The following SMPD4 variants were observed in gnomAD, a reference collection of about 807,000 sequenced individuals.
SMPD4 encodes neutral sphingomyelinase 3.
Under a neutral mutation model 97.8 loss-of-function variants are expected in SMPD4, and 58 were observed. That is an observed-to-expected ratio of 0.59 (90% confidence interval 0.48 to 0.74). SMPD4 has a LOEUF of 0.74. Ranked by LOEUF, SMPD4 falls within the 30% of genes least tolerant of loss-of-function variation. The pLI is 0.00. For synonymous variants in SMPD4, 388 were observed against 450.0 expected, an observed-to-expected ratio of 0.86 and a Z score of 1.74; for missense variants, 853 against 1,080.5, an observed-to-expected ratio of 0.79 and a Z score of 2.95.
chr2:130,167,119 CTTTT>C (rs966018676), intron 9 of SMPD4, among the ~76,000 whole-genome samples: 6 of 150,420 alleles, frequency 4.0e-5, no homozygotes, highest in African/African-American at 1.5e-4. Flanking sequence ...AGTTTCTTTT[CTTTT>C]TCTTTTTTTT....
intron 8 of SMPD4, 26 bp from the exon 9 acceptor site, chr2:130,167,616 G>C: frequency 1.3e-6 from 2 of 1,573,522 alleles, no homozygotes; most frequent in Non-Finnish European, 1.7e-6. Context: ...AAACAGGCCC[G>C]AGTTACAGGC....
chr2:130,178,265 T>C (rs1399332438), intron 1 of SMPD4, among the ~76,000 whole-genome samples: 1 of 152,094 alleles, frequency 6.6e-6, no homozygotes, highest in Non-Finnish European at 1.5e-5. Flanking sequence ...AACAACCCGA[T>C]GGGTACAGAT....
At chr2:130,181,664 C>G, upstream of SMPD4, 1 of 1,550,654 alleles carries the variant, frequency 6.4e-7, no homozygotes, top group Non-Finnish European at 8.7e-7. Flanking sequence ...CTCTTTGGGC[C>G]GTTACCTCAA....
chr2:130,168,216 A>G (rs1049568976), intron 8 of SMPD4, among the ~76,000 whole-genome samples: 2 of 152,072 alleles, frequency 1.3e-5, no homozygotes, highest in Non-Finnish European at 2.9e-5. Context: ...CTAAAAAATT[A>G]AGAAATTCCC....
chr2:130,158,028 G>GATT (rs1362586324), intron 11 of SMPD4: 3 of 364,810 alleles, frequency 8.2e-6, no homozygotes, highest in Middle Eastern at 4.7e-4. Flanking sequence ...TAGTCCTAAT[G>GATT]ACTCAGGAGG....
In SMPD4 at chr2:130,174,922, G is replaced by C. The variant is rs1328172156; in HGVS notation, c.118C>G (p.Pro40Ala). ...QDLVKVIEDF[P>A]AKELHTIFPW... ...CGTTAGCAGAGCTATACCTTTGCTG[G>C]AAAGTCCTCAATGACTTTAACCAAG... Residue 40 changes from proline to alanine, a missense_variant, in exon 3 of 20, where the codon CCA becomes GCA. This residue lies in a region of SMPD4 where 313 missense variants were observed against 402.2 expected (regional missense o/e 0.78). Transcript: ENST00000680298. The C allele has an allele frequency of 4.4e-6, 7 of 1,602,956 alleles. No homozygotes were observed. Among genetic ancestry groups the C allele is most frequent in the Non-Finnish European group, 2.6e-6 (3 of 1,170,416 alleles).
intron 19 of SMPD4, 75 bp downstream of exon 19, chr2:130,152,968 C>T (rs939569012): frequency 6.4e-7 from 1 of 1,564,660 alleles, no homozygotes; most frequent in Non-Finnish European, 8.6e-7. Context: ...CACAGGCCAC[C>T]CCAGGACTGC....
intron 3 of SMPD4, 124 bp downstream of exon 3, chr2:130,174,790 T>C (rs555621186): frequency 6.3e-6 from 4 of 631,282 alleles, no homozygotes; most frequent in Non-Finnish European, 5.8e-6. Context: ...GTCATGGTAA[T>C]GGCCAGGCCT....
Position 130,164,367 on chromosome 2 carries a change from A to G in SMPD4, c.864+7T>C. The G allele has an allele frequency of 6.2e-7, 1 of 1,613,408 alleles. No individual in the cohort carries two copies. The highest frequency in any genetic ancestry group is 1.1e-5 in the South Asian group (1 of 91,072). On this transcript the variant is annotated splice_region_variant and intron_variant, in intron 10 of 19. Coordinates refer to ENST00000680298, the MANE Select transcript of SMPD4 (RefSeq NM_017951.5). ...GCAGGAGGTGGGAAGAAAAACTGAA[A>G]ACATACCTTGGCATGAGGGGACTGC...
chr2:130,164,417 T>C lies in SMPD4; in HGVS notation c.821A>G (p.Tyr274Cys), dbSNP rs758416623. ...CATTTTTTGATACATCTCCAAGGAA[T>C]AGTGATGAAGCCACATTTCAACAAA... is the stretch of plus-strand genomic sequence containing the variant. ...QVFVEMWLHH[Y>C]SLEMYQKMQS... The change falls in exon 10 of 20, where the codon TAT (tyrosine) becomes TGT (cysteine). Residue 274 changes from tyrosine (Y) to cysteine (C), a missense_variant. Coordinates refer to ENST00000680298, the MANE Select transcript of SMPD4 (RefSeq NM_017951.5). 3.1e-6 allele frequency: 5 copies of C among 1,614,020 alleles called. No individual in the cohort carries two copies. The highest frequency in any genetic ancestry group is 1.1e-5 in the South Asian group (1 of 91,088).
At chr2:130,156,708 GC>G in intron 12 of SMPD4, 33 bp from the exon 13 acceptor site, 1 of 1,600,888 alleles carries the variant, frequency 6.2e-7, no homozygotes, top group Non-Finnish European at 8.5e-7. Flanking sequence ...CCTGCTGCTT[GC>G]CCAGTAAGGA....
chr2:130,156,557 G>A (rs1176752884), intron 13 of SMPD4, 28 bp downstream of exon 13: 1 of 1,602,386 alleles, frequency 6.2e-7, no homozygotes, highest in South Asian at 1.1e-5. Flanking sequence ...GAGGACACAG[G>A]CACACGTGTG....
chr2:130,162,148 A>G (rs1687487429), intron 10 of SMPD4, among the ~76,000 whole-genome samples: 1 of 152,254 alleles, frequency 6.6e-6, no homozygotes, highest in Non-Finnish European at 1.5e-5. Flanking sequence ...GTGGGTTCCC[A>G]AGGGCGGGAG....
chr2:130,153,294 C>T lies in SMPD4; in HGVS notation c.2025+25G>A, dbSNP rs200458140. 935 of 1,613,378 alleles carry T rather than the reference C, an allele frequency of 5.8e-4. 1 individual carries two copies. The highest frequency in any genetic ancestry group is 1.9e-3 in the Admixed American group (116 of 59,980). ...GGGACGGGTCAGGGCCCAGCCTGTG[C>T]GCCTCTGAGACACGGGCCTCTCACC... is the stretch of plus-strand genomic sequence containing the variant. On this transcript the variant is annotated intron_variant, in intron 18 of 19. Transcript: ENST00000680298.
chr2:130,169,275 G>C (rs998267659), intron 8 of SMPD4, among the ~76,000 whole-genome samples: 6 of 152,172 alleles, frequency 3.9e-5, no homozygotes, highest in African/African-American at 1.4e-4. Context: ...AAGGGGACTA[G>C]AAATATCACT....
chr2:130,170,863 C>A (rs919150773), intron 8 of SMPD4, among the ~76,000 whole-genome samples: 1 of 151,734 alleles, frequency 6.6e-6, no homozygotes, highest in African/African-American at 2.4e-5. Context: ...GAGTTTGAGG[C>A]CAGCCTGGCC....
At position 130,153,337 on chromosome 2, in the gene SMPD4, C is replaced by CG. The variant is rs1290805807; in HGVS notation, c.2006dup (p.Pro670AlafsTer15). On this transcript the variant is annotated frameshift_variant, in exon 18 of 20. Coordinates refer to ENST00000680298, the MANE Select transcript of SMPD4 (RefSeq NM_017951.5). LOFTEE classifies it high-confidence loss of function. Reference sequence around the variant, plus strand: ...CTCTCACCTGGTACCGCCCCAGGGGCGTAAGGATGAGTCCGTCCTCACCCA... The same window carrying CG: ...CTCTCACCTGGTACCGCCCCAGGGGCGGTAAGGATGAGTCCGTCCTCACCCA... The CG allele has an allele frequency of 6.2e-7, 1 of 1,613,654 alleles. No homozygotes were observed. Among genetic ancestry groups the CG allele is most frequent in the Non-Finnish European group, 8.5e-7 (1 of 1,180,016 alleles).
At chr2:130,178,640 T>G (rs370842563) in intron 1 of SMPD4, among the ~76,000 whole-genome samples, 1 of 151,484 alleles carries the variant, frequency 6.6e-6, no homozygotes, top group South Asian at 2.1e-4. Flanking sequence ...ACTAAAAATA[T>G]AAAAATTAGC....
intron 11 of SMPD4, chr2:130,158,003 G>C (rs1253057711): frequency 1.5e-3 from 358 of 234,202 alleles, no homozygotes; most frequent in Non-Finnish European, 2.6e-3. Context: ...AGCTGGGTGT[G>C]GTGGTGCACA....
Sources: gnomAD v4.1 joint callset for allele counts (sites outside exome capture counted in the v4.1 genomes callset) on GRCh38, gnomAD v4.1.1 for gene constraint, gnomAD v4.1.1 regional missense constraint, MANE v1.5 for transcripts, NCBI Gene and HGNC (gene_info 2026-07-23, HGNC 2026-07-21) for gene names.